The following SHCBP1 variants were observed in gnomAD, a reference collection of about 807,000 sequenced individuals.
The protein encoded by SHCBP1 is SHC SH2 domain-binding protein 1.
In SHCBP1, 60 loss-of-function variants were observed where a neutral mutation model predicts 75.1. That is an observed-to-expected ratio of 0.80 (90% CI 0.65 to 0.99). The LOEUF (loss-of-function observed/expected upper bound fraction) is 0.99, where lower values mean the gene tolerates loss of function less well. Among genes scored for constraint, SHCBP1 ranks in the 50% least tolerant of loss-of-function variants. The pLI is 0.00. For missense variants in SHCBP1, 709 were observed against 809.4 expected (o/e 0.88, Z 1.50); for synonymous variants, 290 against 293.2 (o/e 0.99, Z 0.11).
Position 46,581,581 on chromosome 16 carries a change from C to T in SHCBP1, c.*148G>A, listed in dbSNP as rs1964870803. 3 of 700,102 alleles carry T rather than the reference C, an allele frequency of 4.3e-6. No individual in the cohort carries two copies. Among genetic ancestry groups the T allele is most frequent in the Admixed American group, 2.9e-5 (1 of 33,910 alleles). The allele number at this position is 700,102 out of a possible 1,614,324, so 43.4% of individuals were successfully genotyped here. ...AGAGGGAGTGTTTTATGTGCAACAC[C>T]TGCAAATGGAAATAAATCTACCTTT... On this transcript the variant is annotated 3_prime_UTR_variant, in exon 13 of 13. Coordinates refer to ENST00000303383, the MANE Select transcript of SHCBP1 (RefSeq NM_024745.5).
At chr16:46,613,045 A>G (rs1010217854) in intron 4 of SHCBP1, among the ~76,000 whole-genome samples, 1 of 152,190 alleles carries the variant, frequency 6.6e-6, no homozygotes, top group East Asian at 1.9e-4. Flanking sequence ...AGAAGCCACA[A>G]TGAACCCCTG....
Position 46,579,452 on chromosome 16 carries a change from ACT to A in SHCBP1, c.*2275_*2276del, listed in dbSNP as rs1024350836. Among the ~76,000 whole-genome samples the A allele has an allele frequency of 4.6e-5, 7 of 152,074 alleles. No homozygotes were observed. The highest frequency in any genetic ancestry group is 1.0e-4 in the Non-Finnish European group (7 of 68,006). ...CTAAAATAGACATGAAATCTGAAAA[ACT>A]CCATGTTATAAAAAGAAACAAGGAA... On this transcript the variant is annotated 3_prime_UTR_variant, in exon 13 of 13. Transcript: ENST00000303383.
At chr16:46,617,026 G>T (rs1260899463) in intron 3 of SHCBP1, among the ~76,000 whole-genome samples, 1 of 152,094 alleles carries the variant, frequency 6.6e-6, no homozygotes, top group East Asian at 1.9e-4. Flanking sequence ...GGCTTTTTGT[G>T]GTCAGTTAAC....
In SHCBP1 at chr16:46,599,688, A is replaced by AAC. The variant is rs1555519116; in HGVS notation, c.1345+142_1345+143insGT. 36 of 74,598 alleles carry AAC rather than the reference A, an allele frequency of 4.8e-4. 1 individual carries two copies. Among genetic ancestry groups the AAC allele is most frequent in the African/African-American group, 1.5e-3 (27 of 17,942 alleles). The allele number at this position is 74,598 out of a possible 1,614,324, so 4.6% of individuals were successfully genotyped here. On this transcript the variant is annotated intron_variant, in intron 9 of 12. Coordinates refer to ENST00000303383, the MANE Select transcript of SHCBP1 (RefSeq NM_024745.5). ...AATTTGTAAAAAAAAAAAAAAAAAA[A>AAC]AAAACTCAGCATCGTGAAGTGCAAT... is the stretch of plus-strand genomic sequence containing the variant.
intron 1 of SHCBP1, among the ~76,000 whole-genome samples, chr16:46,618,593 AG>A: frequency 6.6e-6 from 1 of 152,254 alleles, no homozygotes; most frequent in Middle Eastern, 3.4e-3. Context: ...GATCTTTCAC[AG>A]TTAGATTTTT....
At chr16:46,592,351 A>C (rs1362069398) in intron 10 of SHCBP1, among the ~76,000 whole-genome samples, 1 of 152,194 alleles carries the variant, frequency 6.6e-6, no homozygotes, top group Non-Finnish European at 1.5e-5. Flanking sequence ...ACAACTTAGA[A>C]GTAGTAGTCC....
intron 5 of SHCBP1, among the ~76,000 whole-genome samples, chr16:46,605,604 A>G (rs929693424): frequency 6.6e-6 from 1 of 152,186 alleles, no homozygotes; most frequent in African/African-American, 2.4e-5. Flanking sequence ...CAAAAAACAA[A>G]CAAACAAACA....
chr16:46,592,278 T>C (rs1190426568), intron 10 of SHCBP1, among the ~76,000 whole-genome samples: 3 of 152,268 alleles, frequency 2.0e-5, no homozygotes, highest in South Asian at 4.1e-4. Context: ...ATCATTACTA[T>C]ATACCCTGCA....
At chr16:46,585,550 T>C (rs1219185188) in intron 10 of SHCBP1, among the ~76,000 whole-genome samples, 1 of 152,146 alleles carries the variant, frequency 6.6e-6, no homozygotes, top group Non-Finnish European at 1.5e-5. Flanking sequence ...ACGAAAGGAC[T>C]AGGCAACCTA....
intron 10 of SHCBP1, 185 bp from the exon 11 acceptor site, chr16:46,584,274 T>C (rs1029659531): frequency 5.2e-5 from 23 of 442,072 alleles, no homozygotes; most frequent in African/African-American, 4.7e-4. Context: ...TCTAGCAAGT[T>C]GTTGACAATT....
chr16:46,602,100 T>C (rs987794460), intron 8 of SHCBP1, among the ~76,000 whole-genome samples: 6 of 152,180 alleles, frequency 3.9e-5, no homozygotes, highest in Non-Finnish European at 7.4e-5. Context: ...ATTCTATATG[T>C]CCATTTATGA....
In SHCBP1 at chr16:46,579,855, G is replaced by A. The variant is rs1270897038; in HGVS notation, c.*1874C>T. 6.6e-6 allele frequency among the ~76,000 whole-genome samples: 1 copy of A among 152,078 alleles called. No individual in the cohort carries two copies. Among genetic ancestry groups the A allele is most frequent in the Non-Finnish European group, 1.5e-5 (1 of 68,024 alleles). ...AGGCATGAGAATCACTTGAACCCAG[G>A]AGACTGAGGTTGCAATGAGCCGAGA... On this transcript the variant is annotated 3_prime_UTR_variant, in exon 13 of 13. Coordinates refer to ENST00000303383, the MANE Select transcript of SHCBP1 (RefSeq NM_024745.5).
intron 4 of SHCBP1, among the ~76,000 whole-genome samples, chr16:46,615,345 G>T (rs1055442039): frequency 6.6e-6 from 1 of 152,126 alleles, no homozygotes; most frequent in African/African-American, 2.4e-5. Context: ...ATGTAGGGGT[G>T]GGGGGAGATA....
At chr16:46,590,127 C>T (rs1369731240) in intron 10 of SHCBP1, among the ~76,000 whole-genome samples, 1 of 152,204 alleles carries the variant, frequency 6.6e-6, no homozygotes, top group East Asian at 1.9e-4. Context: ...ATGTAGAAAG[C>T]TGAAACTGGA....
In SHCBP1 at chr16:46,621,348, C is replaced by T; in HGVS notation, c.12G>A (p.Gly4=). Reference sequence around the variant, plus strand: ...CCTCCAGACCGCCGCCCGTCAGCGACCCGTCAGCCATTTCAAATTTCCGCG... The same window carrying T: ...CCTCCAGACCGCCGCCCGTCAGCGATCCGTCAGCCATTTCAAATTTCCGCG... MAD[G]SLTGGGLEAA... Residue 4 remains glycine, a synonymous_variant, in exon 1 of 13, where the codon GGG becomes GGA. Transcript: ENST00000303383. 6.2e-7 allele frequency: 1 copy of T among 1,611,108 alleles called. No individual in the cohort carries two copies. Among genetic ancestry groups the T allele is most frequent in the African/African-American group, 1.3e-5 (1 of 75,038 alleles).
At chr16:46,587,694 G>A (rs1964973980) in intron 10 of SHCBP1, among the ~76,000 whole-genome samples, 1 of 152,084 alleles carries the variant, frequency 6.6e-6, no homozygotes, top group African/African-American at 2.4e-5. Context: ...AAGAGACTTA[G>A]ACTCCCACAC....
intron 12 of SHCBP1, among the ~76,000 whole-genome samples, chr16:46,582,731 G>A (rs777739944): frequency 6.6e-6 from 1 of 152,204 alleles, no homozygotes; most frequent in Admixed American, 6.5e-5. Flanking sequence ...GCTTTCAGAT[G>A]AGTCCTGCCC....
At chr16:46,603,770 T>C (rs1965280418) in intron 7 of SHCBP1, 111 bp from the exon 8 acceptor site, 7 of 1,426,336 alleles carry the variant, frequency 4.9e-6, no homozygotes, top group Non-Finnish European at 6.7e-6. Flanking sequence ...AAAAACTGCA[T>C]ATTGAAGCAT....
chr16:46,604,644 T>G, intron 5 of SHCBP1, among the ~76,000 whole-genome samples, 183 bp from the exon 6 acceptor site: 1 of 152,230 alleles, frequency 6.6e-6, no homozygotes, highest in East Asian at 1.9e-4. Flanking sequence ...GTTGAAAATT[T>G]AAAGCACCAC....
Sources: gnomAD v4.1 joint callset for allele counts (sites outside exome capture counted in the v4.1 genomes callset) on GRCh38, gnomAD v4.1.1 for gene constraint, MANE v1.5 for transcripts, NCBI Gene and HGNC (gene_info 2026-07-23, HGNC 2026-07-21) for gene names.